Variants in VEZT observed in about 807,000 individuals in gnomAD.
VEZT encodes vezatin.
A neutral mutation model predicts 79.9 loss-of-function variants in VEZT; 39 were observed. That is an observed-to-expected ratio of 0.49 (90% CI 0.38 to 0.64). The LOEUF is 0.64. Ranked by LOEUF, VEZT falls within the 30% of genes least tolerant of loss-of-function variation. The pLI is 0.00. For missense variants in VEZT, 837 were observed against 893.1 expected (o/e 0.94, Z 0.80); for synonymous variants, 325 against 327.6 (o/e 0.99, Z 0.09).
rs1324591651 is a variant in VEZT, at chr12:95,274,723, T to G, written c.849-19T>G. 2 of 1,596,586 alleles carry G rather than the reference T, an allele frequency of 1.3e-6. No individual in the cohort carries two copies. The highest frequency in any genetic ancestry group is 1.1e-5 in the South Asian group (1 of 87,552). Reference sequence around the variant, plus strand: ...GCTTTCATGAAAAGGCTTTGTTGATTGCCTTAACCTAATTTAACCTACCCC... The same window carrying G: ...GCTTTCATGAAAAGGCTTTGTTGATGGCCTTAACCTAATTTAACCTACCCC... On this transcript the variant is annotated intron_variant, in intron 6 of 11. Transcript: ENST00000436874.
At chr12:95,239,238 C>G (rs1361417919) in intron 1 of VEZT, among the ~76,000 whole-genome samples, 24 of 151,402 alleles carry the variant, frequency 1.6e-4, no homozygotes, top group Admixed American at 1.6e-3. Flanking sequence ...AAAAAACAAA[C>G]TGAGGTTGAG....
intron 1 of VEZT, among the ~76,000 whole-genome samples, chr12:95,221,692 GA>G (rs1008010706): frequency 7.0e-6 from 1 of 142,764 alleles, no homozygotes; most frequent in Non-Finnish European, 1.6e-5. Context: ...AAAAAAAAAA[GA>G]AAAAAATTAA....
intron 7 of VEZT, among the ~76,000 whole-genome samples, chr12:95,280,555 T>A (rs999394600): frequency 1.4e-5 from 2 of 146,930 alleles, no homozygotes; most frequent in Admixed American, 1.4e-4. Context: ...ACACACACAC[T>A]ATTCCTCTTC....
At chr12:95,281,399 G>T (rs565920142) in intron 7 of VEZT, among the ~76,000 whole-genome samples, 3 of 152,146 alleles carry the variant, frequency 2.0e-5, no homozygotes, top group Admixed American at 6.5e-5. Context: ...GATCACTTGA[G>T]CCCAGGAGTT....
chr12:95,255,330 A>G (rs919425681), intron 2 of VEZT, among the ~76,000 whole-genome samples: 3 of 152,180 alleles, frequency 2.0e-5, no homozygotes, highest in Admixed American at 6.5e-5. Flanking sequence ...GTGATACATC[A>G]AGTCAGCTTC....
chr12:95,245,120 G>C (rs1869537306), intron 1 of VEZT, among the ~76,000 whole-genome samples: 1 of 152,174 alleles, frequency 6.6e-6, no homozygotes, highest in Non-Finnish European at 1.5e-5. Context: ...TGTAATCCCA[G>C]CTACTTGGGA....
chr12:95,263,046 T>C lies in VEZT; in HGVS notation c.399T>C (p.Leu133=). 6.2e-7 allele frequency: 1 copy of C among 1,611,526 alleles called. No homozygotes were observed. The highest frequency in any genetic ancestry group is 8.5e-7 in the Non-Finnish European group (1 of 1,178,160). Residue 133 remains leucine, a synonymous_variant, in exon 4 of 12, where the codon CTT becomes CTC. Coordinates refer to ENST00000436874, the MANE Select transcript of VEZT (RefSeq NM_017599.4). The part of the protein sequence containing the change: ...GQSQQQENGH[L]PTLCSLATPN... ...CTCAACAACAGGAAAATGGACACCT[T>C]CCAACACTTTGCTCCCTGGCAACCC... is the stretch of plus-strand genomic sequence containing the variant.
intron 1 of VEZT, among the ~76,000 whole-genome samples, chr12:95,236,047 G>C (rs964752589): frequency 6.6e-6 from 1 of 152,036 alleles, no homozygotes; most frequent in South Asian, 2.1e-4. Flanking sequence ...CTGCAATCTC[G>C]GCACTTTGGG....
At chr12:95,279,495 C>G (rs1354901733) in intron 7 of VEZT, among the ~76,000 whole-genome samples, 1 of 152,174 alleles carries the variant, frequency 6.6e-6, no homozygotes, top group African/African-American at 2.4e-5. Flanking sequence ...TGGTTATCTC[C>G]TTATCCAGAG....
At chr12:95,219,541 A>C (rs796908686) in intron 1 of VEZT, among the ~76,000 whole-genome samples, 22 of 152,352 alleles carry the variant, frequency 1.4e-4, no homozygotes, top group African/African-American at 4.8e-4. Flanking sequence ...TCATTCTCTG[A>C]AAACATTAAT....
chr12:95,238,720 C>T (rs1293558776), intron 1 of VEZT, among the ~76,000 whole-genome samples: 2 of 152,198 alleles, frequency 1.3e-5, no homozygotes, highest in Non-Finnish European at 2.9e-5. Flanking sequence ...AATAGCACCA[C>T]CTGATTCTTC....
chr12:95,302,212 G>A lies in VEZT; in HGVS notation c.*1539G>A, dbSNP rs931072526. On this transcript the variant is annotated 3_prime_UTR_variant, in exon 12 of 12. Coordinates refer to ENST00000436874, the MANE Select transcript of VEZT (RefSeq NM_017599.4). ...TTTGGATTTAGAAGAAGCAATTATG[G>A]AAAAACTTGGTAATCTCTCTCAACC... 1.6e-4 allele frequency: 24 copies of A among 152,168 alleles called. No homozygotes were observed. Among genetic ancestry groups the A allele is most frequent in the African/African-American group, 5.8e-4 (24 of 41,516 alleles). The allele number at this position is 152,168 out of a possible 1,614,324, so 9.4% of individuals were successfully genotyped here.
intron 7 of VEZT, among the ~76,000 whole-genome samples, chr12:95,277,380 C>A (rs1426062542): frequency 1.3e-5 from 2 of 151,920 alleles, no homozygotes; most frequent in East Asian, 3.9e-4. Context: ...CGTGAAAATT[C>A]TGTAAAAACT....
intron 1 of VEZT, among the ~76,000 whole-genome samples, chr12:95,231,202 T>C (rs1199296992): frequency 1.3e-5 from 2 of 152,220 alleles, no homozygotes; most frequent in Non-Finnish European, 2.9e-5. Context: ...TACTTTTTCT[T>C]GGTTTATTTA....
chr12:95,262,912 G>A lies in VEZT; in HGVS notation c.265G>A (p.Gly89Arg). ...KDDLLHKLDI[G>R]FRLDSLHTIL... Reference sequence around the variant, plus strand: ...CTGGTATTTTAATGGCAAGGATATTGGATTCCGACTCGACTCATTACATAC... The same window carrying A: ...CTGGTATTTTAATGGCAAGGATATTAGATTCCGACTCGACTCATTACATAC... Residue 89 changes from glycine to arginine, a missense_variant, in exon 4 of 12, where the codon GGA becomes AGA. Coordinates refer to ENST00000436874, the MANE Select transcript of VEZT (RefSeq NM_017599.4). The A allele has an allele frequency of 6.3e-7, 1 of 1,587,624 alleles. No individual in the cohort carries two copies. The highest frequency in any genetic ancestry group is 1.3e-5 in the African/African-American group (1 of 74,572).
intron 1 of VEZT, among the ~76,000 whole-genome samples, chr12:95,232,674 GTTAGCATT>G (rs1265271809): frequency 6.6e-6 from 1 of 152,156 alleles, no homozygotes; most frequent in Non-Finnish European, 1.5e-5. Context: ...TCTGACAATA[GTTAGCATT>G]TTGCCAAACC....
intron 1 of VEZT, among the ~76,000 whole-genome samples, chr12:95,236,823 G>A (rs1481018754): frequency 6.6e-6 from 1 of 152,130 alleles, no homozygotes; most frequent in Admixed American, 6.6e-5. Flanking sequence ...CTGACCTTGA[G>A]TGATCCATCC....
intron 1 of VEZT, among the ~76,000 whole-genome samples, chr12:95,242,876 CAAA>C (rs367689756): frequency 7.8e-5 from 5 of 64,294 alleles, no homozygotes; most frequent in African/African-American, 5.3e-5. Context: ...TCCATCTCAC[CAAA>C]AAAAAAAAAA....
intron 8 of VEZT, among the ~76,000 whole-genome samples, chr12:95,285,900 A>T (rs963173216): frequency 2.6e-5 from 4 of 152,042 alleles, no homozygotes; most frequent in African/African-American, 9.7e-5. Context: ...CAAAATGAGC[A>T]TATAAAACTT....
Sources: allele counts gnomAD v4.1 joint callset (sites outside exome capture counted in the v4.1 genomes callset), GRCh38; gene constraint gnomAD v4.1.1; transcripts MANE v1.5; gene names NCBI Gene and HGNC (gene_info 2026-07-23, HGNC 2026-07-21).